The following SETD2 variants were observed in gnomAD, a reference collection of about 807,000 sequenced individuals.
SETD2 encodes histone-lysine N-methyltransferase SETD2.
Under a neutral mutation model 242.1 loss-of-function variants are expected in SETD2, and 31 were observed. The ratio of observed to expected loss-of-function variants is 0.13; its 90% CI spans 0.10 to 0.17. The LOEUF is 0.17. Among genes scored for constraint, SETD2 ranks in the 10% least tolerant of loss-of-function variants. The pLI is 1.00. For missense variants in SETD2, 2,481 were observed against 3,046.3 expected (o/e 0.81, Z 4.37); for synonymous variants, 1,006 against 1,066.5 (o/e 0.94, Z 1.11).
Position 47,088,192 on chromosome 3 carries a change from T to C in SETD2, c.5198A>G (p.Asn1733Ser). Residue 1733 changes from asparagine (N) to serine (S), a missense_variant, in exon 10 of 21, where the codon AAC (asparagine) becomes AGC (serine). Transcript: ENST00000409792. ...TAGCCGGGATAAGCTGAGCACCTGG[T>C]TTTTATCAGAGAGACCCTCACCATT... is the stretch of plus-strand genomic sequence containing the variant. ...MENGEGLSDKNQVLSLSRLMV... is the reference protein window; with the variant it reads ...MENGEGLSDKSQVLSLSRLMV... 6.2e-7 allele frequency: 1 copy of C among 1,613,740 alleles called. No homozygotes were observed. Among genetic ancestry groups the C allele is most frequent in the Non-Finnish European group, 8.5e-7 (1 of 1,179,916 alleles).
intron 17 of SETD2, among the ~76,000 whole-genome samples, chr3:47,038,871 C>T (rs1466878394): frequency 6.6e-6 from 1 of 152,130 alleles, no homozygotes; most frequent in Non-Finnish European, 1.5e-5. Context: ...ATGTCAAAAG[C>T]CTCAAAGGAT....
intron 15 of SETD2, among the ~76,000 whole-genome samples, chr3:47,050,589 G>C (rs2039780510): frequency 6.6e-6 from 1 of 151,970 alleles, no homozygotes; most frequent in Non-Finnish European, 1.5e-5. Flanking sequence ...TTTGGATTTT[G>C]ACTTAGGGAT....
chr3:47,164,752 C>T (rs940146478), upstream of SETD2, among the ~76,000 whole-genome samples: 2 of 152,218 alleles, frequency 1.3e-5, no homozygotes, highest in South Asian at 2.1e-4. This position sits in a 1 kb window ranked among gnomAD's most constrained non-coding sequence, Gnocchi z 5.4. Flanking sequence ...GCCGAGCTCC[C>T]GGCAGCCTCC....
chr3:47,118,764 T>A (rs923089587), intron 3 of SETD2, among the ~76,000 whole-genome samples: 1 of 151,624 alleles, frequency 6.6e-6, no homozygotes, highest in African/African-American at 2.4e-5. Flanking sequence ...GTGCACAGTT[T>A]TATATATATA....
intron 12 of SETD2, among the ~76,000 whole-genome samples, chr3:47,076,168 G>A (rs1306731745): frequency 1.3e-5 from 2 of 152,162 alleles, no homozygotes; most frequent in African/African-American, 4.8e-5. Context: ...ACTTTCCGGG[G>A]GGGAAAAGGA....
In SETD2 at chr3:47,122,796, A is replaced by G. The variant is rs780739486; in HGVS notation, c.1840T>C (p.Ser614Pro). 1.9e-6 allele frequency: 3 copies of G among 1,613,092 alleles called. No homozygotes were observed. In the African/African-American group the frequency reaches 4.0e-5, roughly 22 times the overall value. ...TTTAATCGATTTGATGGAGCTGGAG[A>G]CCCAGCCTTTTCTCTTTCAGGATTT... ...NKNPEREKAG[S>P]PAPSNRLNDS... Residue 614 changes from serine (S) to proline (P), a missense_variant, in exon 3 of 21, where the codon TCT (serine) becomes CCT (proline). Ser to Pro is a moderately conservative substitution (Grantham distance 74). Around this residue, in one of 17 missense-constraint regions of SETD2, gnomAD observed 1,300 missense variants for 1,259.2 expected, o/e 1.03. Coordinates refer to ENST00000409792, the MANE Select transcript of SETD2 (RefSeq NM_014159.7).
chr3:47,016,899 C>T lies in SETD2; in HGVS notation c.*194G>A. On this transcript the variant is annotated 3_prime_UTR_variant, in exon 21 of 21. Coordinates refer to ENST00000409792, the MANE Select transcript of SETD2 (RefSeq NM_014159.7). Reference sequence around the variant, plus strand: ...GGCTTCTAACCACATGCCAACAGCTCACAACTAGGTAATCACTTGTAGATG... The same window carrying T: ...GGCTTCTAACCACATGCCAACAGCTTACAACTAGGTAATCACTTGTAGATG... The T allele has an allele frequency of 1.7e-6, 1 of 577,682 alleles. No homozygotes were observed. The allele number at this position is 577,682 out of a possible 1,614,324, so 35.8% of individuals were successfully genotyped here.
chr3:47,118,706 A>ACTGC (rs1477291870), intron 3 of SETD2, among the ~76,000 whole-genome samples: 3 of 151,206 alleles, frequency 2.0e-5, no homozygotes, highest in Non-Finnish European at 4.4e-5. Context: ...AATCCTTCCC[A>ACTGC]CTGCAAAGTG....
intron 12 of SETD2, among the ~76,000 whole-genome samples, chr3:47,071,295 C>T (rs903924078): frequency 6.6e-6 from 1 of 152,172 alleles, no homozygotes; most frequent in African/African-American, 2.4e-5. Flanking sequence ...CATACACACT[C>T]AAGCTATAAT....
chr3:47,048,709 C>A (rs1209988826), intron 15 of SETD2, among the ~76,000 whole-genome samples: 2 of 152,158 alleles, frequency 1.3e-5, no homozygotes, highest in Admixed American at 6.5e-5. Context: ...CTCCTCCTCG[C>A]CAGGGTGGAG....
chr3:47,103,947 A>G (rs964467919), intron 6 of SETD2, among the ~76,000 whole-genome samples: 5 of 152,112 alleles, frequency 3.3e-5, no homozygotes, highest in African/African-American at 4.8e-5. Context: ...TTACATCCTA[A>G]TCTCACTGCA....
intron 17 of SETD2, among the ~76,000 whole-genome samples, chr3:47,040,569 A>ATTTTTTT (rs34309892): frequency 0.041 from 3,705 of 91,358 alleles, 284 homozygotes; most frequent in East Asian, 0.093. Flanking sequence ...AGGGAAAAGG[A>ATTTTTTT]TTTTTTTTTT....
chr3:47,104,604 T>C (rs1043177428), intron 6 of SETD2, among the ~76,000 whole-genome samples: 1 of 152,240 alleles, frequency 6.6e-6, no homozygotes, highest in African/African-American at 2.4e-5. Context: ...GGGCTTACTA[T>C]TGTTACAGTT....
intron 15 of SETD2, among the ~76,000 whole-genome samples, chr3:47,052,095 C>T (rs1047588562): frequency 3.9e-5 from 6 of 152,060 alleles, no homozygotes; most frequent in Non-Finnish European, 7.4e-5. Context: ...AAGATATACA[C>T]GTTTGTTGAC....
At chr3:47,137,139 C>T (rs973167710) in intron 1 of SETD2, among the ~76,000 whole-genome samples, 1 of 152,082 alleles carries the variant, frequency 6.6e-6, no homozygotes, top group Non-Finnish European at 1.5e-5. Flanking sequence ...ATTCTCCCAT[C>T]ATTCTATATT....
intron 12 of SETD2, among the ~76,000 whole-genome samples, chr3:47,069,898 T>C (rs1232121086): frequency 6.6e-6 from 1 of 151,932 alleles, no homozygotes; most frequent in Non-Finnish European, 1.5e-5. Context: ...ACCCACACTA[T>C]AAGGGAAAAA....
chr3:47,138,354 C>T, intron 1 of SETD2: 1 of 209,622 alleles, frequency 4.8e-6, no homozygotes, highest in South Asian at 5.6e-5. Flanking sequence ...ACTGCAACCT[C>T]CACCTCCTGG....
At position 47,085,694 on chromosome 3, in the gene SETD2, T is replaced by C. The variant is rs916759582; in HGVS notation, c.5397+501A>G. Reference sequence around the variant, plus strand: ...TTAGAAAGTTAGAAAATTTTATTAATTTCATAGAAAGGTAAAGACATCGTA... The same window carrying C: ...TTAGAAAGTTAGAAAATTTTATTAACTTCATAGAAAGGTAAAGACATCGTA... On this transcript the variant is annotated intron_variant, in intron 11 of 20. Transcript: ENST00000409792. Among the ~76,000 whole-genome samples, 5 of 152,228 alleles carry C rather than the reference T, an allele frequency of 3.3e-5. No individual in the cohort carries two copies. In the South Asian group the frequency reaches 1.0e-3, roughly 31 times the overall value.
At position 47,121,360 on chromosome 3, in the gene SETD2, T is replaced by C. The variant is rs114327122; in HGVS notation, c.3276A>G (p.Gln1092=). The C allele has an allele frequency of 8.6e-5, 139 of 1,609,908 alleles. No homozygotes were observed. The Middle Eastern group carries it at 9.9e-4, about 11-fold the overall frequency. Residue 1092 remains glutamine, a synonymous_variant, in exon 3 of 21, where the codon CAA becomes CAG. Transcript: ENST00000409792. ...ETSPCSSRSS[Q]SYRHYSDHWE... ...AATGGTCAGAATAGTGTCTATAACT[T>C]TGACTGCTCCGAGAAGAACAAGGAC...
Sources: allele counts gnomAD v4.1 joint callset (sites outside exome capture counted in the v4.1 genomes callset), GRCh38; gene constraint gnomAD v4.1.1; regional missense constraint gnomAD v4.1.1; non-coding constraint Gnocchi (gnomAD v3.1); transcripts MANE v1.5; gene names NCBI Gene and HGNC (gene_info 2026-07-23, HGNC 2026-07-21).